EP300: variants seen among roughly 807,000 people sequenced by gnomAD.
EP300 encodes the protein EP300 lysine acetyltransferase, also known as histone acetyltransferase p300.
EP300 carries 31 observed loss-of-function variants against 264.0 expected under a neutral mutation model. That is an observed-to-expected ratio of 0.12 (90% confidence interval 0.09 to 0.16). The LOEUF is 0.16. Ranked by LOEUF, EP300 falls within the 10% of genes least tolerant of loss-of-function variation. The pLI is 1.00. For missense variants in EP300, 2,766 were observed against 3,052.9 expected, an observed-to-expected ratio of 0.91 and a Z score of 2.21; for synonymous variants, 1,340 against 1,045.4, an observed-to-expected ratio of 1.28 and a Z score of -5.44.
intron 2 of EP300, among the ~76,000 whole-genome samples, chr22:41,121,741 A>T (rs1051184453): frequency 6.6e-6 from 1 of 152,224 alleles, no homozygotes; most frequent in Admixed American, 6.5e-5. Context: ...AAATATTTGG[A>T]TAAAGACATT....
At chr22:41,158,879 A>C in intron 19 of EP300, 1 of 243,484 alleles carries the variant, frequency 4.1e-6, no homozygotes, top group Non-Finnish European at 8.3e-6. Flanking sequence ...GCTTTTTGGA[A>C]ATATTTCCTT....
chr22:41,132,254 T>G (rs2058923975), intron 6 of EP300, among the ~76,000 whole-genome samples: 1 of 151,428 alleles, frequency 6.6e-6, no homozygotes, highest in Non-Finnish European at 1.5e-5. Context: ...TGTATCATTT[T>G]AAATGGTTGT....
chr22:41,153,155 C>A (rs1042298467), intron 16 of EP300, among the ~76,000 whole-genome samples: 4 of 152,122 alleles, frequency 2.6e-5, no homozygotes, highest in Admixed American at 2.6e-4. Context: ...ACTGCCTGGG[C>A]CAGGAAGCAG....
chr22:41,164,167 C>G, intron 22 of EP300, 37 bp downstream of exon 22: 2 of 1,586,780 alleles, frequency 1.3e-6, no homozygotes, highest in Non-Finnish European at 1.7e-6. Context: ...TGGAATTTTT[C>G]TTTATCGTGA....
At chr22:41,138,066 A>G (rs2058962083) in intron 8 of EP300, among the ~76,000 whole-genome samples, 2 of 152,190 alleles carry the variant, frequency 1.3e-5, no homozygotes, top group African/African-American at 2.4e-5. Flanking sequence ...GTTTTTAGCT[A>G]TTGCCTTTGC....
Position 41,178,851 on chromosome 22 carries a change from A to G in EP300, c.7140A>G (p.Pro2380=), listed in dbSNP as rs543339090. 10 of 1,614,094 alleles carry G rather than the reference A, an allele frequency of 6.2e-6. No individual in the cohort carries two copies. In the African/African-American group the frequency reaches 6.7e-5, roughly 11 times the overall value. Residue 2380 remains proline, a synonymous_variant, in exon 31 of 31, where the codon CCA becomes CCG. Coordinates refer to ENST00000263253, the MANE Select transcript of EP300 (RefSeq NM_001429.4). ...TGCTTTCTCAGCTTGCTAGCAATCCAGGCATGGCAAACCTCCATGGTGCAA... is the reference window on the plus strand; with the variant it reads ...TGCTTTCTCAGCTTGCTAGCAATCCGGGCATGGCAAACCTCCATGGTGCAA... ...NSMLSQLASN[P]GMANLHGASA...
At chr22:41,095,451 C>CG (rs1176212431) in intron 1 of EP300, among the ~76,000 whole-genome samples, 1 of 151,790 alleles carries the variant, frequency 6.6e-6, no homozygotes, top group African/African-American at 2.4e-5. Context: ...AGGCTGGTCT[C>CG]GATCTCCTGC....
At position 41,178,988 on chromosome 22, in the gene EP300, A is replaced by T; in HGVS notation, c.*32A>T. On this transcript the variant is annotated 3_prime_UTR_variant, in exon 31 of 31. Coordinates refer to ENST00000263253, the MANE Select transcript of EP300 (RefSeq NM_001429.4). ...CTTGTAGTATTTTGGGAGCAAAAAA[A>T]TTATTTTCTCTTAACAAGACTTTTT... is the stretch of plus-strand genomic sequence containing the variant. 6.2e-7 allele frequency: 1 copy of T among 1,611,386 alleles called. No individual in the cohort carries two copies. The highest frequency in any genetic ancestry group is 8.5e-7 in the Non-Finnish European group (1 of 1,179,414).
At chr22:41,144,477 C>G (rs1020489388) in intron 10 of EP300, among the ~76,000 whole-genome samples, 14 of 151,738 alleles carry the variant, frequency 9.2e-5, no homozygotes, top group African/African-American at 2.7e-4. Flanking sequence ...CTTCAGCCCC[C>G]CAAGTAGCTG....
chr22:41,178,081 G>T lies in EP300; in HGVS notation c.6370G>T (p.Val2124Phe). Residue 2124 changes from valine to phenylalanine, a missense_variant, in exon 31 of 31, where the codon GTC becomes TTC. Physicochemically the swap from Val to Phe is conservative, Grantham distance 50 (BLOSUM62 -1). Transcript: ENST00000263253. ...QPPTMPGQQG[V>F]HSNPAMQNMN... ...ACCTACCATGCCAGGTCAGCAGGGG[G>T]TCCACTCCAATCCAGCCATGCAGAA... 2 of 1,614,108 alleles carry T rather than the reference G, an allele frequency of 1.2e-6. No homozygotes were observed. The highest frequency in any genetic ancestry group is 1.7e-6 in the Non-Finnish European group (2 of 1,179,988).
In EP300 at chr22:41,137,656, A is replaced by G; in HGVS notation, c.1626A>G (p.Pro542=). Residue 542 remains proline (P), a synonymous_variant, in exon 8 of 31, where the codon CCA becomes CCG. Transcript: ENST00000263253. ...MLHSAINSQN[P]MMSENASVPS... ...ATTTGGTGACCCCTTTTTGAAGCCC[A>G]ATGATGAGTGAAAATGCCAGTGTGC... The G allele has an allele frequency of 6.2e-7, 1 of 1,614,022 alleles. No homozygotes were observed. Among genetic ancestry groups the G allele is most frequent in the Non-Finnish European group, 8.5e-7 (1 of 1,179,974 alleles).
chr22:41,140,802 G>A (rs904389896), intron 9 of EP300, among the ~76,000 whole-genome samples: 46 of 152,094 alleles, frequency 3.0e-4, no homozygotes, highest in African/African-American at 1.1e-3. Context: ...AACAGGAGTG[G>A]GGTGGTGCTG....
intron 1 of EP300, among the ~76,000 whole-genome samples, chr22:41,098,304 T>C (rs1375256393): frequency 6.6e-6 from 1 of 152,226 alleles, no homozygotes; most frequent in East Asian, 1.9e-4. Context: ...TTAAGCCTCT[T>C]CTGAGCAATT....
chr22:41,174,183 G>A (rs2059187126), intron 29 of EP300, among the ~76,000 whole-genome samples: 1 of 152,186 alleles, frequency 6.6e-6, no homozygotes, highest in Admixed American at 6.5e-5. Flanking sequence ...TGTAATCCCA[G>A]CACTTTGGAG....
rs1423561729 is a variant in EP300, at chr22:41,137,714, C to T, written c.1684C>T (p.Pro562Ser). The T allele has an allele frequency of 6.2e-7, 1 of 1,614,084 alleles. No individual in the cohort carries two copies. Among genetic ancestry groups the T allele is most frequent in the African/African-American group, 1.3e-5 (1 of 74,918 alleles). The change falls in exon 8 of 31, where the codon CCA becomes TCA. Residue 562 changes from proline to serine, a missense_variant. Physicochemically the swap from Pro to Ser is moderately conservative, Grantham distance 74. Transcript: ENST00000263253. ...GGGTCCTATGCCAACAGCAGCTCAA[C>T]CATCCACTACTGGAATTCGGAAACA... Reference protein sequence around the residue: ...SLGPMPTAAQPSTTGIRKQWH... With the variant: ...SLGPMPTAAQSSTTGIRKQWH...
rs2230111 is a variant in EP300 at position 41,125,999 on chromosome 22, A to T, written c.865A>T (p.Met289Leu). The change falls in exon 3 of 31, where the codon ATG becomes TTG. Residue 289 changes from methionine (M) to leucine (L), a missense_variant. Transcript: ENST00000263253. The stretch of plus-strand genomic sequence containing the variant: ...ATCAAATAACTTATCTCCATTTGCT[A>T]TGGACAAAAAGGCAGTTCCTGGTGG... ...VLSNNLSPFA[M>L]DKKAVPGGGM... 1 of 1,614,068 alleles carries T rather than the reference A, an allele frequency of 6.2e-7. No homozygotes were observed. The highest frequency in any genetic ancestry group is 1.7e-5 in the Admixed American group (1 of 60,004).
intron 1 of EP300, among the ~76,000 whole-genome samples, chr22:41,105,221 A>G (rs2058752208): frequency 9.6e-6 from 1 of 104,088 alleles, no homozygotes; most frequent in African/African-American, 3.3e-5. Context: ...AAAAAAAAAA[A>G]GCCGGGCGTG....
At chr22:41,168,359 GA>G (rs1454976795) in intron 23 of EP300, 89 bp from the exon 24 acceptor site, 15 of 1,501,116 alleles carry the variant, frequency 1.0e-5, no homozygotes, top group Non-Finnish European at 1.3e-5. Context: ...TGTTTGTATT[GA>G]AAAAAGTACA....
Position 41,177,290 on chromosome 22 carries a change from G to T in EP300, c.5579G>T (p.Gly1860Val). The T allele has an allele frequency of 6.2e-7, 1 of 1,613,964 alleles. No homozygotes were observed. Among genetic ancestry groups the T allele is most frequent in the Non-Finnish European group, 8.5e-7 (1 of 1,179,980 alleles). Residue 1860 changes from glycine to valine, a missense_variant, in exon 31 of 31, where the codon GGC becomes GTC. Physicochemically the swap from Gly to Val is moderately radical, Grantham distance 109 (BLOSUM62 -3). Transcript: ENST00000263253. ...CCTGCCACTCCAACGACACCAACTG[G>T]CCAACAGCCAACCACCCCGCAGACG... ...PTPATPTTPT[G>V]QQPTTPQTPQ...
Sources: allele counts gnomAD v4.1 joint callset (sites outside exome capture counted in the v4.1 genomes callset), GRCh38; gene constraint gnomAD v4.1.1; transcripts MANE v1.5; gene names NCBI Gene and HGNC (gene_info 2026-07-23, HGNC 2026-07-21).